The following TMEM131 variants were observed in gnomAD, a reference collection of about 807,000 sequenced individuals.
TMEM131 encodes the protein 2610524E03Rik.
In TMEM131, 66 loss-of-function variants were observed where a neutral mutation model predicts 211.6. That is an observed-to-expected ratio of 0.31 (90% CI 0.26 to 0.38). The LOEUF is 0.38. Among genes scored for constraint, TMEM131 ranks in the 10% least tolerant of loss-of-function variants. The probability of loss-of-function intolerance (pLI) is 1.00; values close to 1 mark genes in which losing one functional copy is unlikely to be tolerated. For missense variants in TMEM131, 2,036 were observed against 2,299.3 expected (o/e 0.89, Z 2.34); for synonymous variants, 844 against 841.3 (o/e 1.00, Z -0.06).
chr2:97,845,120 G>C (rs1417773042), intron 5 of TMEM131, among the ~76,000 whole-genome samples: 2 of 151,220 alleles, frequency 1.3e-5, no homozygotes, highest in East Asian at 4.0e-4. Context: ...CGGTAATGTA[G>C]TGCAACAAAA....
At chr2:97,887,969 C>T (rs1573513112) in intron 4 of TMEM131, 83 bp downstream of exon 4, 1 of 1,104,498 alleles carries the variant, frequency 9.1e-7, no homozygotes. Context: ...ATAGATGTAA[C>T]ACAGGCAAAA....
At chr2:97,826,349 C>T (rs957624409) in intron 11 of TMEM131, among the ~76,000 whole-genome samples, 1 of 152,178 alleles carries the variant, frequency 6.6e-6, no homozygotes, top group Non-Finnish European at 1.5e-5. Context: ...CATGCCCATG[C>T]TGCAATATGG....
intron 4 of TMEM131, among the ~76,000 whole-genome samples, chr2:97,881,963 T>C (rs1272704641): frequency 1.3e-5 from 2 of 152,228 alleles, no homozygotes; most frequent in African/African-American, 4.8e-5. Context: ...TATTCTAAAA[T>C]ATCTGTTTTC....
chr2:97,971,438 A>G (rs1041411921), intron 1 of TMEM131, among the ~76,000 whole-genome samples: 2 of 152,234 alleles, frequency 1.3e-5, no homozygotes, highest in African/African-American at 2.4e-5. Context: ...GTTGATACTG[A>G]TCTAAAATTA....
Position 97,805,616 on chromosome 2 carries a change from C to A in TMEM131, c.2143G>T (p.Val715Leu), listed in dbSNP as rs200043262. 4.8e-4 allele frequency: 775 copies of A among 1,611,522 alleles called. 5 individuals are homozygous for A. Among genetic ancestry groups the A allele is most frequent in the Middle Eastern group, 4.9e-4 (3 of 6,080 alleles). ...IQQIRSLSEDVRFYYKRLRGN... is the reference protein window; with the variant it reads ...IQQIRSLSEDLRFYYKRLRGN... Reference sequence around the variant, plus strand: ...CGTAATCGTTTATAGTAAAATCGCACATCTTCTGACAAAGATCGTATTTGC... The same window carrying A: ...CGTAATCGTTTATAGTAAAATCGCAAATCTTCTGACAAAGATCGTATTTGC... Residue 715 changes from valine to leucine, a missense_variant, in exon 20 of 41, where the codon GTG becomes TTG. By Grantham distance (32) the Val-to-Leu change is conservative. This residue lies in a region of TMEM131 where 1,623 missense variants were observed against 1,805.9 expected (regional missense o/e 0.90). Transcript: ENST00000186436.
At chr2:97,827,585 C>T in intron 11 of TMEM131, 7 of 911,024 alleles carry the variant, frequency 7.7e-6, no homozygotes, top group Non-Finnish European at 1.3e-5. Flanking sequence ...TGGTCCCTGT[C>T]TCCCTTCTTG....
At chr2:97,924,931 G>A (rs1238612224) in intron 2 of TMEM131, among the ~76,000 whole-genome samples, 1 of 152,150 alleles carries the variant, frequency 6.6e-6, no homozygotes, top group Non-Finnish European at 1.5e-5. Flanking sequence ...CCAGGCTGGA[G>A]TACAGTGGCA....
At chr2:97,827,217 G>C in intron 11 of TMEM131, 1 of 731,930 alleles carries the variant, frequency 1.4e-6, no homozygotes, top group Admixed American at 2.0e-5. Context: ...CGGCCCGCAG[G>C]CACCTGGCAC....
intron 11 of TMEM131, among the ~76,000 whole-genome samples, chr2:97,829,559 C>T (rs185579636): frequency 1.6e-4 from 24 of 151,814 alleles, no homozygotes; most frequent in Admixed American, 7.2e-4. Flanking sequence ...CAGAACATGG[C>T]GGGGAGCCAA....
chr2:97,898,367 A>C (rs1675707094), intron 3 of TMEM131, among the ~76,000 whole-genome samples: 1 of 152,034 alleles, frequency 6.6e-6, no homozygotes, highest in African/African-American at 2.4e-5. Flanking sequence ...CCCACCCGCT[A>C]CCTCCAAAAT....
At chr2:97,828,855 G>T (rs1390653785) in intron 11 of TMEM131, among the ~76,000 whole-genome samples, 1 of 152,070 alleles carries the variant, frequency 6.6e-6, no homozygotes, top group East Asian at 1.9e-4. Flanking sequence ...CCCTTTCTAG[G>T]TCCTGTGACA....
Position 97,811,238 on chromosome 2 carries a change from G to A in TMEM131, c.1864-6C>T. The stretch of plus-strand genomic sequence containing the variant: ...TAGCCTGAAGCTAATGTTACCTGTA[G>A]ATAGTAGAAATGGTATCATTCATTA... On this transcript the variant is annotated splice_region_variant and splice_polypyrimidine_tract_variant and intron_variant, in intron 17 of 40. Transcript: ENST00000186436. The A allele has an allele frequency of 1.2e-6, 2 of 1,604,984 alleles. No individual in the cohort carries two copies. Among genetic ancestry groups the A allele is most frequent in the South Asian group, 2.2e-5 (2 of 90,844 alleles).
At chr2:97,832,004 CAAAAA>C (rs770432398) in intron 11 of TMEM131, among the ~76,000 whole-genome samples, 16 of 60,268 alleles carry the variant, frequency 2.7e-4, no homozygotes, top group South Asian at 1.5e-3. Context: ...AAGTCACTTC[CAAAAA>C]AAAAAAAAAA....
intron 11 of TMEM131, among the ~76,000 whole-genome samples, chr2:97,821,834 C>T (rs1682137414): frequency 6.6e-6 from 1 of 152,200 alleles, no homozygotes; most frequent in East Asian, 1.9e-4. Context: ...AAAGGGCTAA[C>T]AACCCCCAAC....
intron 5 of TMEM131, among the ~76,000 whole-genome samples, chr2:97,854,516 T>C (rs1218923927): frequency 6.6e-6 from 1 of 152,190 alleles, no homozygotes; most frequent in Non-Finnish European, 1.5e-5. Context: ...CCCTGGAGTA[T>C]GACAACAGCC....
At chr2:97,856,077 T>C (rs940209935) in intron 5 of TMEM131, among the ~76,000 whole-genome samples, 7 of 152,210 alleles carry the variant, frequency 4.6e-5, no homozygotes, top group African/African-American at 1.7e-4. Flanking sequence ...CAAAAGCTTC[T>C]AGTCAATAAA....
intron 4 of TMEM131, among the ~76,000 whole-genome samples, chr2:97,864,792 G>A (rs954731811): frequency 6.6e-6 from 1 of 152,212 alleles, no homozygotes; most frequent in Admixed American, 6.5e-5. Context: ...GACAACGAGA[G>A]GCTAGGCTAT....
At chr2:97,937,862 G>T (rs1326495627) in intron 1 of TMEM131, among the ~76,000 whole-genome samples, 1 of 152,204 alleles carries the variant, frequency 6.6e-6, no homozygotes, top group Non-Finnish European at 1.5e-5. Flanking sequence ...CCAGAAGAGA[G>T]TGGGGGCCAA....
chr2:97,921,125 T>C (rs1345017811), intron 2 of TMEM131, among the ~76,000 whole-genome samples: 4 of 152,116 alleles, frequency 2.6e-5, no homozygotes, highest in Non-Finnish European at 4.4e-5. Context: ...TTAAAAACTA[T>C]AGTCATTAAA....
Sources: gnomAD v4.1 joint callset for allele counts (sites outside exome capture counted in the v4.1 genomes callset) on GRCh38, gnomAD v4.1.1 for gene constraint, gnomAD v4.1.1 regional missense constraint, MANE v1.5 for transcripts, NCBI Gene and HGNC (gene_info 2026-07-23, HGNC 2026-07-21) for gene names.